Variants in NINJ2 observed in about 807,000 individuals in gnomAD.
NINJ2 encodes ninjurin 2.
In NINJ2, 12 loss-of-function variants were observed where a neutral mutation model predicts 11.7. That is an observed-to-expected ratio of 1.02 (90% CI 0.66 to 1.66). NINJ2 has a LOEUF of 1.66. Ranked by LOEUF, NINJ2 falls within the 40% of genes most tolerant of loss-of-function variation. NINJ2 has a pLI of 0.00. For synonymous variants in NINJ2, 93 were observed against 76.8 expected (o/e 1.21, Z -1.10); for missense variants, 187 against 181.8 (o/e 1.03, Z -0.16).
rs577004349 is a variant in NINJ2, at chr12:596,129, C to T, written c.34-29951G>A. ...TCTTTCAAAATTCAACATACTCTTC[C>T]ATACGATCCAGCAACCACGCTCCTT... On this transcript the variant is annotated intron_variant, in intron 1 of 3. Transcript: ENST00000305108. Among the ~76,000 whole-genome samples the T allele has an allele frequency of 4.5e-4, 69 of 152,330 alleles. No homozygotes were observed. In the South Asian group the frequency reaches 0.014, roughly 31 times the overall value.
intron 1 of NINJ2, among the ~76,000 whole-genome samples, chr12:621,817 GAAA>G (rs544238368): frequency 7.9e-6 from 1 of 126,694 alleles, no homozygotes; most frequent in Non-Finnish European, 1.6e-5. Flanking sequence ...CTCCGTCTCA[GAAA>G]AAAAAAAAAA....
intron 1 of NINJ2, among the ~76,000 whole-genome samples, chr12:601,294 C>T (rs747550290): frequency 1.3e-5 from 2 of 152,196 alleles, no homozygotes; most frequent in Non-Finnish European, 2.9e-5. Flanking sequence ...CGCCTGTAAT[C>T]CCAGCACTTT....
chr12:593,136 T>C (rs1947737534), intron 1 of NINJ2, among the ~76,000 whole-genome samples: 1 of 152,196 alleles, frequency 6.6e-6, no homozygotes, highest in Non-Finnish European at 1.5e-5. Flanking sequence ...GAAATCTATG[T>C]TAAATATAGG....
rs188423413 is a variant in NINJ2, at chr12:628,532, T to G, written c.33+34796A>C. On this transcript the variant is annotated intron_variant, in intron 1 of 3. Coordinates refer to ENST00000305108, the MANE Select transcript of NINJ2 (RefSeq NM_016533.6). This position sits in a 1 kb window ranked among gnomAD's most constrained non-coding sequence, Gnocchi z 4.4. ...CATAAGCATGGTAATGCATATATAA[T>G]ACGTGTCTATGGCAGAGGCATTCGA... 6.6e-6 allele frequency among the ~76,000 whole-genome samples: 1 copy of G among 152,304 alleles called. No individual in the cohort carries two copies. The highest frequency in any genetic ancestry group is 1.9e-4 in the East Asian group (1 of 5,174).
chr12:659,053 A>T (rs907937782), intron 1 of NINJ2, among the ~76,000 whole-genome samples: 1 of 145,372 alleles, frequency 6.9e-6, no homozygotes, highest in Non-Finnish European at 1.5e-5. Context: ...TATTATATAT[A>T]ATATATATAT....
intron 1 of NINJ2, among the ~76,000 whole-genome samples, chr12:609,781 A>AAT (rs1261404573): frequency 7.5e-6 from 1 of 133,988 alleles, no homozygotes; most frequent in Admixed American, 8.1e-5. Flanking sequence ...AAAAAAAAAA[A>AAT]AAAAAATAGG....
intron 1 of NINJ2, among the ~76,000 whole-genome samples, chr12:604,499 G>A (rs553315402): frequency 1.4e-3 from 206 of 152,244 alleles, no homozygotes; most frequent in Admixed American, 2.6e-3. Context: ...TTAGCCGGGC[G>A]TGGTGGTGGG....
intron 1 of NINJ2, among the ~76,000 whole-genome samples, chr12:603,683 C>A (rs900179147): frequency 6.7e-6 from 1 of 149,170 alleles, no homozygotes; most frequent in Admixed American, 6.7e-5. Context: ...TTTTTTGAGA[C>A]GGAGTCTCAG....
chr12:654,984 C>A (rs1937854259), intron 1 of NINJ2, among the ~76,000 whole-genome samples: 1 of 151,744 alleles, frequency 6.6e-6, no homozygotes, highest in African/African-American at 2.4e-5. Flanking sequence ...ATCACATGAT[C>A]ATATTAATAG....
intron 1 of NINJ2, among the ~76,000 whole-genome samples, chr12:589,817 G>C (rs1565626542): frequency 6.6e-6 from 1 of 151,886 alleles, no homozygotes; most frequent in South Asian, 2.1e-4. Flanking sequence ...CTTCTGGAAG[G>C]GGGGAAACAG....
Position 588,837 on chromosome 12 carries a change from T to C in NINJ2, c.34-22659A>G, listed in dbSNP as rs373699216. On this transcript the variant is annotated intron_variant, in intron 1 of 3. Transcript: ENST00000305108. ...GTAATAGATATGATAGCCTACATGATTGGCGAAGACTTAAGAGACTGATAA... is the reference window on the plus strand; with the variant it reads ...GTAATAGATATGATAGCCTACATGACTGGCGAAGACTTAAGAGACTGATAA... 2.0e-4 allele frequency among the ~76,000 whole-genome samples: 31 copies of C among 152,332 alleles called. No homozygotes were observed. In the East Asian group the frequency reaches 4.2e-3, roughly 21 times the overall value.
intron 1 of NINJ2, among the ~76,000 whole-genome samples, chr12:577,430 C>CATATATATATACATATATATATGTAT (rs1947478685): frequency 1.1e-5 from 1 of 93,988 alleles, no homozygotes; most frequent in Non-Finnish European, 2.4e-5. Context: ...TATATATATA[C>CATATATATATACATATATATATGTAT]ATATATATAT....
rs948265615 is a variant in NINJ2, at chr12:640,372, C to T, written c.33+22956G>A. On this transcript the variant is annotated intron_variant, in intron 1 of 3. Coordinates refer to ENST00000305108, the MANE Select transcript of NINJ2 (RefSeq NM_016533.6). The surrounding 1 kb of genome is among the most constrained non-coding windows in gnomAD (Gnocchi z 4.0). ...AAAAGGTAGGCCTGCGGGCTCCTTG[C>T]CTGAGCAAAGTTAAAGTGTAGTTCT... 6.6e-6 allele frequency among the ~76,000 whole-genome samples: 1 copy of T among 152,198 alleles called. No homozygotes were observed. The highest frequency in any genetic ancestry group is 6.6e-5 in the Admixed American group (1 of 15,262).
chr12:662,593 C>T (rs1937972446), intron 1 of NINJ2, among the ~76,000 whole-genome samples: 1 of 152,212 alleles, frequency 6.6e-6, no homozygotes, highest in Non-Finnish European at 1.5e-5. Flanking sequence ...TGCAATGTTA[C>T]ACAGCCTCAG....
At chr12:574,628 G>A (rs575691273) in intron 1 of NINJ2, among the ~76,000 whole-genome samples, 1 of 152,202 alleles carries the variant, frequency 6.6e-6, no homozygotes, top group East Asian at 1.9e-4. Context: ...AGGGAAGGAT[G>A]TGGCATGAAG....
At chr12:579,848 C>T (rs536863634) in intron 1 of NINJ2, among the ~76,000 whole-genome samples, 1 of 152,296 alleles carries the variant, frequency 6.6e-6, no homozygotes, top group Non-Finnish European at 1.5e-5. Flanking sequence ...TCTCTGAGTT[C>T]ACCCTCAACC....
intron 1 of NINJ2, chr12:586,126 A>C (rs1265601668): frequency 3.2e-5 from 2 of 62,852 alleles, no homozygotes; most frequent in Non-Finnish European, 7.1e-5. Flanking sequence ...AGTCTAAAAC[A>C]GGAAAAAAGA....
In NINJ2 at chr12:615,120, C is replaced by CTG. The variant is rs1458654827; in HGVS notation, c.33+48207_33+48208insCA. Among the ~76,000 whole-genome samples, 123 of 152,292 alleles carry CTG rather than the reference C, an allele frequency of 8.1e-4. 1 individual carries two copies. The highest frequency in any genetic ancestry group is 2.9e-3 in the African/African-American group (121 of 41,552). On this transcript the variant is annotated intron_variant, in intron 1 of 3. Coordinates refer to ENST00000305108, the MANE Select transcript of NINJ2 (RefSeq NM_016533.6). ...GATTATAGAAATAATAACCTACAGT[C>CTG]ATCTTTCAGCTCTGATAAATGAGTG...
chr12:643,618 C>A, intron 1 of NINJ2: 1 of 988,056 alleles, frequency 1.0e-6, no homozygotes, highest in African/African-American at 1.7e-5. Context: ...GTACGGCCAC[C>A]GAGCGGCTGC....
Sources: gnomAD v4.1 joint callset for allele counts (sites outside exome capture counted in the v4.1 genomes callset) on GRCh38, gnomAD v4.1.1 for gene constraint, Gnocchi (gnomAD v3.1) non-coding constraint, MANE v1.5 for transcripts, NCBI Gene and HGNC (gene_info 2026-07-23, HGNC 2026-07-21) for gene names.